Variants in PIERCE2 observed in about 807,000 individuals in gnomAD.
PIERCE2 encodes the protein piercer of microtubule wall 2.
the PIERCE2 span, among the ~76,000 whole-genome samples, chr15:55,413,267 C>CA: frequency 0.19 from 23,542 of 123,124 alleles, 3,606 homozygotes; most frequent in African/African-American, 0.44. Flanking sequence ...GACTCCGTCT[C>CA]AAAAAAAAAA....
the PIERCE2 span, chr15:55,418,604 T>C: frequency 7.6e-7 from 1 of 1,315,696 alleles, no homozygotes; most frequent in Non-Finnish European, 1.0e-6. Context: ...AGAGAAAATA[T>C]ACTCGGGAAA....
chr15:55,414,177 G>A, the PIERCE2 span, among the ~76,000 whole-genome samples: 4 of 150,346 alleles, frequency 2.7e-5, no homozygotes, highest in Admixed American at 6.7e-5. Flanking sequence ...GATTACAAGC[G>A]TGAGCCACCG....
At chr15:55,409,098 G>A in the PIERCE2 span, among the ~76,000 whole-genome samples, 1 of 152,148 alleles carries the variant, frequency 6.6e-6, no homozygotes, top group African/African-American at 2.4e-5. Flanking sequence ...TCAAAGAAGG[G>A]AGTTGTTTTG....
the PIERCE2 span, among the ~76,000 whole-genome samples, chr15:55,409,485 TGTG>T: frequency 6.6e-6 from 1 of 152,154 alleles, no homozygotes; most frequent in Admixed American, 6.5e-5. Flanking sequence ...GTCCCCTAAT[TGTG>T]GTAAAAGTAA....
the PIERCE2 span, among the ~76,000 whole-genome samples, chr15:55,415,452 G>A: frequency 4.7e-5 from 6 of 126,796 alleles, no homozygotes; most frequent in East Asian, 4.6e-4. Context: ...GTGAAACTTC[G>A]TCTCAAAAAA....
chr15:55,416,103 T>TAG, the PIERCE2 span, among the ~76,000 whole-genome samples: 265 of 149,416 alleles, frequency 1.8e-3, 3 homozygotes, highest in African/African-American at 6.4e-3. Flanking sequence ...TTGTTATATA[T>TAG]ATAGAGAGAG....
chr15:55,412,995 G>A, the PIERCE2 span, among the ~76,000 whole-genome samples: 179 of 152,232 alleles, frequency 1.2e-3, no homozygotes, highest in Non-Finnish European at 1.9e-3. Context: ...AAGGCTGGGC[G>A]CGGTGGTGCG....
chr15:55,411,803 C>T, the PIERCE2 span, among the ~76,000 whole-genome samples: 3 of 152,088 alleles, frequency 2.0e-5, no homozygotes, highest in Non-Finnish European at 2.9e-5. Context: ...TGCCTGTAAT[C>T]ACAGCTACTC....
the PIERCE2 span, chr15:55,408,763 G>A: frequency 6.5e-7 from 1 of 1,527,246 alleles, no homozygotes. Flanking sequence ...ACAAAGAAGA[G>A]CGAAAATGAC....
At chr15:55,417,058 T>G in the PIERCE2 span, among the ~76,000 whole-genome samples, 2 of 152,180 alleles carry the variant, frequency 1.3e-5, no homozygotes, top group Non-Finnish European at 2.9e-5. Flanking sequence ...CATGGACTAC[T>G]GCAGCTCCTC....
chr15:55,416,670 C>G, the PIERCE2 span, among the ~76,000 whole-genome samples: 1 of 151,918 alleles, frequency 6.6e-6, no homozygotes, highest in African/African-American at 2.4e-5. Context: ...TTCAAATTTG[C>G]TCCATAGGCT....
chr15:55,413,945 T>G, the PIERCE2 span, among the ~76,000 whole-genome samples: 3 of 151,170 alleles, frequency 2.0e-5, no homozygotes, highest in Non-Finnish European at 4.4e-5. Flanking sequence ...TCGCCCAGGC[T>G]GGAGTGCAGT....
the PIERCE2 span, among the ~76,000 whole-genome samples, chr15:55,415,942 CA>C: frequency 2.0e-5 from 3 of 152,236 alleles, no homozygotes; most frequent in African/African-American, 7.2e-5. Context: ...CCATCTAAAT[CA>C]GTACACATTT....
chr15:55,414,251 G>A, the PIERCE2 span, among the ~76,000 whole-genome samples: 3 of 148,164 alleles, frequency 2.0e-5, no homozygotes, highest in South Asian at 2.2e-4. Flanking sequence ...TTGTTGCCCC[G>A]GCTGGAGTCA....
chr15:55,411,574 T>C, the PIERCE2 span, among the ~76,000 whole-genome samples: 5 of 151,954 alleles, frequency 3.3e-5, no homozygotes, highest in Non-Finnish European at 7.4e-5. Context: ...TCACTTGAGG[T>C]CAGGAGTCCA....
At chr15:55,408,765 GA>G in the PIERCE2 span, 2 of 1,526,068 alleles carry the variant, frequency 1.3e-6, no homozygotes, top group Non-Finnish European at 1.8e-6. Context: ...AAAGAAGAGC[GA>G]AAATGACAGA....
the PIERCE2 span, chr15:55,418,620 G>A: frequency 8.2e-7 from 1 of 1,226,766 alleles, no homozygotes; most frequent in East Asian, 2.6e-5. Context: ...GGAAAAATGA[G>A]TGTTAAATCT....
At chr15:55,417,983 A>G in the PIERCE2 span, 2 of 694,598 alleles carry the variant, frequency 2.9e-6, no homozygotes, top group South Asian at 2.2e-5. Flanking sequence ...TAATGTCATC[A>G]GTTAAGGCAG....
chr15:55,415,788 G>C, the PIERCE2 span, among the ~76,000 whole-genome samples: 1 of 152,144 alleles, frequency 6.6e-6, no homozygotes, highest in Non-Finnish European at 1.5e-5. Flanking sequence ...GTGTAGTGCC[G>C]GGCTGTCTGC....
Sources: allele counts gnomAD v4.1 joint callset (sites outside exome capture counted in the v4.1 genomes callset), GRCh38; gene constraint gnomAD v4.1.1; transcripts MANE v1.5; gene names NCBI Gene and HGNC (gene_info 2026-07-23, HGNC 2026-07-21).